IQSEC1: variants seen among roughly 807,000 people sequenced by gnomAD.
The protein encoded by IQSEC1 is IQ motif and Sec7 domain ArfGEF 1, also known as IQ motif and SEC7 domain-containing protein 1.
A neutral mutation model predicts 91.0 loss-of-function variants in IQSEC1; 31 were observed. That is an observed-to-expected ratio of 0.34 (90% CI 0.26 to 0.46). IQSEC1 has a LOEUF of 0.46. Among genes scored for constraint, IQSEC1 ranks in the 20% least tolerant of loss-of-function variants. The pLI is 1.00. For synonymous variants in IQSEC1, 699 were observed against 662.6 expected (o/e 1.05, Z -0.84); for missense variants, 1,388 against 1,575.6 (o/e 0.88, Z 2.02).
intron 10 of IQSEC1, among the ~76,000 whole-genome samples, chr3:12,910,283 G>A (rs1695441960): frequency 6.6e-6 from 1 of 152,254 alleles, no homozygotes; most frequent in African/African-American, 2.4e-5. Context: ...TATAGAAGCT[G>A]CAGGCTTGGC....
rs1694061873 is a variant in IQSEC1 at position 12,899,947 on chromosome 3, C to CAAATCA, written c.*1030_*1035dup. On this transcript the variant is annotated 3_prime_UTR_variant, in exon 14 of 14. Transcript: ENST00000613206. ...CGGAGGACTCTGAATGAGTGTGCGT[C>CAAATCA]AAATCATATGCGCATAAAAGAAACA... The CAAATCA allele has an allele frequency of 1.0e-5, 10 of 985,022 alleles. No homozygotes were observed. The highest frequency in any genetic ancestry group is 1.8e-5 in the African/African-American group (1 of 57,118). The allele number at this position is 985,022 out of a possible 1,614,324, so 61.0% of individuals were successfully genotyped here.
At chr3:13,260,073 C>T (rs1290852429) in intron 1 of IQSEC1, among the ~76,000 whole-genome samples, 3 of 152,134 alleles carry the variant, frequency 2.0e-5, no homozygotes, top group Non-Finnish European at 4.4e-5. Context: ...TGGCTCACCA[C>T]GCCTGGAGGA....
intron 2 of IQSEC1, among the ~76,000 whole-genome samples, chr3:13,088,485 C>G (rs1230067014): frequency 6.6e-6 from 1 of 151,838 alleles, no homozygotes; most frequent in Non-Finnish European, 1.5e-5. Flanking sequence ...CTCCTCCCAG[C>G]CTCCACACCC....
At chr3:13,062,544 AC>A (rs1705100130) in intron 1 of IQSEC1, among the ~76,000 whole-genome samples, 1 of 151,778 alleles carries the variant, frequency 6.6e-6, no homozygotes, top group Admixed American at 6.6e-5. Flanking sequence ...GGTCTTGATT[AC>A]CCCCAGATCT....
intron 1 of IQSEC1, among the ~76,000 whole-genome samples, chr3:12,998,460 A>G (rs1702302238): frequency 6.6e-6 from 1 of 152,126 alleles, no homozygotes; most frequent in African/African-American, 2.4e-5. Context: ...AGGTGCAATA[A>G]AGGATGTAGG....
upstream of IQSEC1, among the ~76,000 whole-genome samples, chr3:13,077,028 TTC>T (rs1234763994): frequency 4.8e-5 from 3 of 62,742 alleles, no homozygotes; most frequent in Non-Finnish European, 8.5e-5. Context: ...ATTTCTTTCT[TTC>T]TTTTTTTTTT....
At chr3:13,281,296 G>A (rs1256941851) in intron 1 of IQSEC1, among the ~76,000 whole-genome samples, 1 of 152,106 alleles carries the variant, frequency 6.6e-6, no homozygotes, top group Non-Finnish European at 1.5e-5. Context: ...AAGAGTGAAG[G>A]GAGTCTCAGA....
chr3:13,105,486 G>T (rs572736703), intron 2 of IQSEC1, among the ~76,000 whole-genome samples: 1 of 152,276 alleles, frequency 6.6e-6, no homozygotes, highest in African/African-American at 2.4e-5. Flanking sequence ...AGAAAACCAA[G>T]AAAAATCAGG....
rs1271029747 is a variant in IQSEC1 at position 13,214,376 on chromosome 3, C to T, written c.273-50243G>A. ...GCCCAGGCCGACTCCTCACCCCGTC[C>T]CACAGCCAGCACAGGCAGGCACACG... On this transcript the variant is annotated intron_variant, in intron 1 of 15. Transcript: ENST00000648114. This position sits in a 1 kb window ranked among gnomAD's most constrained non-coding sequence, Gnocchi z 4.5. 6.6e-6 allele frequency among the ~76,000 whole-genome samples: 1 copy of T among 152,256 alleles called. No individual in the cohort carries two copies. The highest frequency in any genetic ancestry group is 1.5e-5 in the Non-Finnish European group (1 of 68,052).
At chr3:13,270,835 G>A (rs1695579701) in intron 1 of IQSEC1, among the ~76,000 whole-genome samples, 1 of 151,992 alleles carries the variant, frequency 6.6e-6, no homozygotes, top group Non-Finnish European at 1.5e-5. Context: ...CCAATCAAAA[G>A]GCAAAGACTG....
intron 1 of IQSEC1, among the ~76,000 whole-genome samples, chr3:12,971,560 T>C (rs576335099): frequency 1.6e-4 from 25 of 152,138 alleles, no homozygotes; most frequent in Non-Finnish European, 3.2e-4. Context: ...AGACACAACA[T>C]TGTGATAGAA....
In IQSEC1 at chr3:13,282,127, C is replaced by G. The variant is rs897367546; in HGVS notation, c.272+584G>C. On this transcript the variant is annotated intron_variant, in intron 1 of 15. Transcript: ENST00000648114. The surrounding 1 kb of genome is among the most constrained non-coding windows in gnomAD (Gnocchi z 6.4). Reference sequence around the variant, plus strand: ...GGGTCCGAAATAGCCCCGGGTAATCCCAGGGCGAGGCAGTCGGGAATTAAC... The same window carrying G: ...GGGTCCGAAATAGCCCCGGGTAATCGCAGGGCGAGGCAGTCGGGAATTAAC... Among the ~76,000 whole-genome samples, 1 of 152,218 alleles carries G rather than the reference C, an allele frequency of 6.6e-6. No homozygotes were observed. The highest frequency in any genetic ancestry group is 1.5e-5 in the Non-Finnish European group (1 of 68,030).
At chr3:12,980,387 C>T (rs1701392732) in intron 1 of IQSEC1, among the ~76,000 whole-genome samples, 1 of 152,226 alleles carries the variant, frequency 6.6e-6, no homozygotes. Context: ...CCCAGACGGA[C>T]CACTTCAGGC....
chr3:13,056,533 T>G (rs572661846), intron 1 of IQSEC1, among the ~76,000 whole-genome samples: 1 of 152,108 alleles, frequency 6.6e-6, no homozygotes, highest in African/African-American at 2.4e-5. Flanking sequence ...ATGAGGAAAC[T>G]AAGGCTCAGA....
rs777798451 is a variant in IQSEC1, at chr3:12,941,657, G to A, written c.232C>T (p.Arg78Cys). ...ATGGCCTCCTCCTCAGCCTGCTTGC[G>A]CAGGATGGAGGTCGAGTGCTGCAGC... is the stretch of plus-strand genomic sequence containing the variant. ...PKLQHSTSIL[R>C]KQAEEEAIKR... Residue 78 changes from arginine (R) to cysteine (C), a missense_variant, in exon 2 of 14, where the codon CGC becomes TGC. By Grantham distance (180) the Arg-to-Cys change is radical. Coordinates refer to ENST00000613206, the MANE Select transcript of IQSEC1 (RefSeq NM_001134382.3). 5.0e-6 allele frequency: 8 copies of A among 1,612,766 alleles called. No individual in the cohort carries two copies. The highest frequency in any genetic ancestry group is 6.8e-6 in the Non-Finnish European group (8 of 1,179,852).
intron 2 of IQSEC1, among the ~76,000 whole-genome samples, chr3:13,099,990 C>T (rs1409033717): frequency 8.2e-6 from 1 of 122,540 alleles, no homozygotes; most frequent in African/African-American, 3.5e-5. Context: ...GTGACGGGGA[C>T]AGTGGGACAG....
Position 12,908,217 on chromosome 3 carries a change from G to T in IQSEC1, c.2755+132C>A. The stretch of plus-strand genomic sequence containing the variant: ...ATGTCACACGCTGCTCTGCTTTGCG[G>T]AAGGTCAGGGGAAATGCCGCACTGG... On this transcript the variant is annotated intron_variant, in intron 12 of 13. Transcript: ENST00000613206. This position sits in a 1 kb window ranked among gnomAD's most constrained non-coding sequence, Gnocchi z 4.9. 1 of 901,272 alleles carries T rather than the reference G, an allele frequency of 1.1e-6. No homozygotes were observed. Among genetic ancestry groups the T allele is most frequent in the Non-Finnish European group, 1.7e-6 (1 of 603,428 alleles). 55.8% of individuals were successfully genotyped at this position (901,272 alleles called of 1,614,324 possible).
In IQSEC1 at chr3:12,916,026, C is replaced by T. The variant is rs117189014; in HGVS notation, c.2021-293G>A. ...AAATGCTACCCTGCTCCATGCTAAC[C>T]ACAGCCCTTCGAAGTGGGTATAATC... On this transcript the variant is annotated intron_variant, in intron 6 of 13. Coordinates refer to ENST00000613206, the MANE Select transcript of IQSEC1 (RefSeq NM_001134382.3). Among the ~76,000 whole-genome samples the T allele has an allele frequency of 2.6e-5, 4 of 152,324 alleles. No individual in the cohort carries two copies. In the East Asian group the frequency reaches 5.8e-4, roughly 22 times the overall value.
chr3:13,065,452 C>T (rs1705200677), intron 1 of IQSEC1, among the ~76,000 whole-genome samples: 1 of 152,200 alleles, frequency 6.6e-6, no homozygotes, highest in African/African-American at 2.4e-5. Context: ...TGAAAAACAA[C>T]AAAGACGTAA....
Sources: gnomAD v4.1 joint callset for allele counts (sites outside exome capture counted in the v4.1 genomes callset) on GRCh38, gnomAD v4.1.1 for gene constraint, Gnocchi (gnomAD v3.1) non-coding constraint, MANE v1.5 for transcripts, NCBI Gene and HGNC (gene_info 2026-07-23, HGNC 2026-07-21) for gene names.